Variants in ZNF112 observed in about 807,000 individuals in gnomAD.
ZNF112 encodes zinc finger protein 112.
A neutral mutation model predicts 77.7 loss-of-function variants in ZNF112; 37 were observed. The ratio of observed to expected loss-of-function variants is 0.48; its 90% confidence interval spans 0.37 to 0.63. The LOEUF (loss-of-function observed/expected upper bound fraction) is 0.63, where lower values mean the gene tolerates loss of function less well. Among genes scored for constraint, ZNF112 ranks in the 20% least tolerant of loss-of-function variants. The probability of loss-of-function intolerance (pLI) is 0.00; values close to 1 mark genes in which losing one functional copy is unlikely to be tolerated. For synonymous variants in ZNF112, 333 were observed against 363.6 expected (o/e 0.92, Z 0.96); for missense variants, 950 against 1,077.4 (o/e 0.88, Z 1.66).
At chr19:44,363,791 C>A (rs998198654) in intron 1 of ZNF112, among the ~76,000 whole-genome samples, 1 of 152,142 alleles carries the variant, frequency 6.6e-6, no homozygotes, top group Non-Finnish European at 1.5e-5. Flanking sequence ...ATTAGAATTG[C>A]TTGATGTGTT....
upstream of ZNF112, among the ~76,000 whole-genome samples, chr19:44,360,685 C>T (rs1208538736): frequency 2.0e-5 from 3 of 151,988 alleles, no homozygotes; most frequent in East Asian, 1.9e-4. Flanking sequence ...ACAAATGGGG[C>T]GCTGCAGCAA....
intron 1 of ZNF112, among the ~76,000 whole-genome samples, chr19:44,353,499 A>G (rs1262092466): frequency 1.3e-5 from 2 of 152,102 alleles, no homozygotes; most frequent in South Asian, 4.1e-4. Flanking sequence ...ACATCCAACA[A>G]AGGACTTATA....
intron 1 of ZNF112, among the ~76,000 whole-genome samples, chr19:44,362,283 A>G (rs1970862608): frequency 6.6e-6 from 1 of 152,148 alleles, no homozygotes. Context: ...GAGGAAGAGT[A>G]AGAGAAAAAG....
chr19:44,340,387 A>G, intron 2 of ZNF112, 29 bp downstream of exon 2: 1 of 1,610,052 alleles, frequency 6.2e-7, no homozygotes. Flanking sequence ...GGAGGCTGCC[A>G]TTGAGTAACT....
intron 2 of ZNF112, among the ~76,000 whole-genome samples, chr19:44,337,427 A>T (rs891228930): frequency 8.5e-6 from 1 of 117,572 alleles, no homozygotes; most frequent in Admixed American, 1.1e-4. Flanking sequence ...AATATATATT[A>T]TATATATATG....
chr19:44,342,854 G>A (rs539287236), intron 1 of ZNF112, among the ~76,000 whole-genome samples: 8 of 151,226 alleles, frequency 5.3e-5, no homozygotes, highest in Non-Finnish European at 1.0e-4. Context: ...GGGGGAGAGG[G>A]ATAACAACAG....
intron 1 of ZNF112, among the ~76,000 whole-genome samples, chr19:44,343,501 C>G (rs1442395867): frequency 6.6e-6 from 1 of 152,192 alleles, no homozygotes; most frequent in Non-Finnish European, 1.5e-5. Flanking sequence ...GCAACCTGCA[C>G]AGCTGTACCC....
upstream of ZNF112, among the ~76,000 whole-genome samples, chr19:44,357,086 A>C (rs1240677407): frequency 1.3e-5 from 2 of 152,184 alleles, no homozygotes; most frequent in African/African-American, 4.8e-5. Flanking sequence ...CTTTCCCTTA[A>C]GTCGTCTCTT....
rs1225021933 is a variant in ZNF112 at position 44,329,344 on chromosome 19, C to G, written c.813G>C (p.Gln271His). The G allele has an allele frequency of 6.2e-6, 10 of 1,613,682 alleles. No individual in the cohort carries two copies. Among genetic ancestry groups the G allele is most frequent in the Non-Finnish European group, 8.5e-6 (10 of 1,179,788 alleles). ...AGGGCTTCCCTTCCAAGTGGAACTG[C>G]TGATGAACCTCAGAGCTGGAGTCAT... ...FSNDSSSEVH[Q>H]QFHLEGKPYT... Residue 271 changes from glutamine (Q) to histidine (H), a missense_variant, in exon 4 of 4, where the codon CAG becomes CAC. By Grantham distance (24) the Gln-to-His change is conservative (BLOSUM62 0). This residue lies in a region of ZNF112 where 560 missense variants were observed against 557.3 expected (regional missense o/e 1.00). Coordinates refer to ENST00000354340, the MANE Select transcript of ZNF112 (RefSeq NM_013380.4).
intron 2 of ZNF112, among the ~76,000 whole-genome samples, chr19:44,339,222 A>G (rs1970443862): frequency 6.6e-6 from 1 of 152,234 alleles, no homozygotes; most frequent in African/African-American, 2.4e-5. Flanking sequence ...TTTTGTTTAA[A>G]GAGAGATCTG....
upstream of ZNF112, among the ~76,000 whole-genome samples, chr19:44,357,710 GTTA>G (rs1568679563): frequency 6.6e-6 from 1 of 152,138 alleles, no homozygotes; most frequent in East Asian, 1.9e-4. Flanking sequence ...CAGACAAAAT[GTTA>G]TTATTATGGG....
chr19:44,364,013 G>C lies in ZNF112; in HGVS notation c.17+3068C>G, dbSNP rs188482214. 5.3e-5 allele frequency among the ~76,000 whole-genome samples: 8 copies of C among 152,186 alleles called. No individual in the cohort carries two copies. In the East Asian group the frequency reaches 1.5e-3, roughly 29 times the overall value. ...CAACCTCTGCCTCCTGGGTTCAAGC[G>C]ATCCTCCTGCCTCAGCCTCCTGAGT... On this transcript the variant is annotated intron_variant, in intron 1 of 4. Coordinates refer to the ZNF112 transcript ENST00000588057.
At position 44,329,038 on chromosome 19, in the gene ZNF112, C is replaced by T; in HGVS notation, c.1119G>A (p.Arg373=). Reference sequence around the variant, plus strand: ...CATGGGGTTCATCCCTAGTATGGACCCTAAAAATACTATTAAGGTCTAAGC... The same window carrying T: ...CATGGGGTTCATCCCTAGTATGGACTCTAAAAATACTATTAAGGTCTAAGC... ...SHSLDLNSIF[R]VHTRDEPHEY... The change falls in exon 4 of 4, where the codon AGG becomes AGA. Residue 373 remains arginine, a synonymous_variant. Coordinates refer to ENST00000354340, the MANE Select transcript of ZNF112 (RefSeq NM_013380.4). 6.2e-7 allele frequency: 1 copy of T among 1,613,720 alleles called. No homozygotes were observed. The highest frequency in any genetic ancestry group is 2.2e-5 in the East Asian group (1 of 44,844).
chr19:44,366,262 G>A (rs1970903365), intron 1 of ZNF112, among the ~76,000 whole-genome samples: 1 of 152,154 alleles, frequency 6.6e-6, no homozygotes, highest in Admixed American at 6.5e-5. Context: ...CTTGAAAGAT[G>A]TTATTTTAAG....
At chr19:44,365,573 A>C (rs1291310324) in intron 1 of ZNF112, among the ~76,000 whole-genome samples, 3 of 152,100 alleles carry the variant, frequency 2.0e-5, no homozygotes, top group Admixed American at 6.5e-5. Flanking sequence ...TTTTGAGTGA[A>C]CTTTGGTAGT....
chr19:44,336,735 G>T lies in ZNF112; in HGVS notation c.125-17C>A, dbSNP rs2123161819. ...GCTGATGTGCTGTAAAGAAGGAAAGGACAGCAAAAGTTTTTAAGTTTGATG... is the reference window on the plus strand; with the variant it reads ...GCTGATGTGCTGTAAAGAAGGAAAGTACAGCAAAAGTTTTTAAGTTTGATG... On this transcript the variant is annotated splice_polypyrimidine_tract_variant and intron_variant, in intron 2 of 3. Coordinates refer to ENST00000354340, the MANE Select transcript of ZNF112 (RefSeq NM_013380.4). 6.2e-7 allele frequency: 1 copy of T among 1,608,008 alleles called. No individual in the cohort carries two copies. Among genetic ancestry groups the T allele is most frequent in the East Asian group, 2.2e-5 (1 of 44,838 alleles).
At chr19:44,347,604 T>C (rs1012473969) in intron 1 of ZNF112, among the ~76,000 whole-genome samples, 1 of 151,322 alleles carries the variant, frequency 6.6e-6, no homozygotes, top group Non-Finnish European at 1.5e-5. Flanking sequence ...ATCTAATCTT[T>C]CACAGTGTAT....
chr19:44,343,303 C>G lies in ZNF112; in HGVS notation c.-3-2761G>C, dbSNP rs1970525321. The G allele has an allele frequency of 3.1e-6, 5 of 1,608,692 alleles. No individual in the cohort carries two copies. The East Asian group carries it at 1.1e-4, about 36-fold the overall frequency. On this transcript the variant is annotated intron_variant, in intron 1 of 3. Transcript: ENST00000354340. ...TCTTTTTCTAGAGAAAGGCAGAGACCTGAGAAGGCAGAACAGGGTAATACG... is the reference window on the plus strand; with the variant it reads ...TCTTTTTCTAGAGAAAGGCAGAGACGTGAGAAGGCAGAACAGGGTAATACG...
intron 3 of ZNF112, among the ~76,000 whole-genome samples, chr19:44,330,861 C>A (rs775488113): frequency 1.3e-5 from 2 of 152,170 alleles, no homozygotes; most frequent in Non-Finnish European, 2.9e-5. Context: ...TGGACAAACG[C>A]CTTTTGTCCT....
Sources: allele counts gnomAD v4.1 joint callset (sites outside exome capture counted in the v4.1 genomes callset), GRCh38; gene constraint gnomAD v4.1.1; regional missense constraint gnomAD v4.1.1; transcripts MANE v1.5; gene names NCBI Gene and HGNC (gene_info 2026-07-23, HGNC 2026-07-21).